SETD7: variants seen among roughly 807,000 people sequenced by gnomAD.
SETD7 encodes the protein SET domain containing 7, histone lysine methyltransferase.
In SETD7, 16 loss-of-function variants were observed where a neutral mutation model predicts 41.8. That is an observed-to-expected ratio of 0.38 (90% CI 0.26 to 0.58). SETD7 has a LOEUF of 0.58. SETD7 is among the 20% of genes least tolerant of loss of function. SETD7 has a pLI of 0.64. For synonymous variants in SETD7, 163 were observed against 169.7 expected (o/e 0.96, Z 0.31); for missense variants, 346 against 459.7 (o/e 0.75, Z 2.26).
chr4:139,508,966 ATG>A lies in SETD7; in HGVS notation c.*2695_*2696del, dbSNP rs146435689. 8 of 151,884 alleles carry A rather than the reference ATG, an allele frequency of 5.3e-5. No homozygotes were observed. Among genetic ancestry groups the A allele is most frequent in the Non-Finnish European group, 1.2e-4 (8 of 68,098 alleles). The allele number at this position is 151,884 out of a possible 1,614,324, so 9.4% of individuals were successfully genotyped here. On this transcript the variant is annotated 3_prime_UTR_variant, in exon 8 of 8. Transcript: ENST00000274031. ...GCCACAGAGCCTTACATTTGGGAGT[ATG>A]TGTGTGTGTGAGGGGAGGGGTGGGG...
At chr4:139,522,252 T>C (rs1458728151) in intron 5 of SETD7, among the ~76,000 whole-genome samples, 2 of 152,128 alleles carry the variant, frequency 1.3e-5, no homozygotes, top group African/African-American at 4.8e-5. Context: ...AGAAACTGAA[T>C]GGGAGGTAAG....
chr4:139,512,354 C>T (rs2111122506), intron 7 of SETD7, among the ~76,000 whole-genome samples: 1 of 152,286 alleles, frequency 6.6e-6, no homozygotes, highest in Middle Eastern at 3.4e-3. Flanking sequence ...CTGTATTCCA[C>T]CCTATACATA....
rs1401432602 is a variant in SETD7 at position 139,509,644 on chromosome 4, C to T, written c.*2019G>A. On this transcript the variant is annotated 3_prime_UTR_variant, in exon 8 of 8. Coordinates refer to ENST00000274031, the MANE Select transcript of SETD7 (RefSeq NM_030648.4). Reference sequence around the variant, plus strand: ...CTTGATCGAGGTTAATGCAAGCCATCTTTCTCCTGAAGACAGTCACTCCCT... The same window carrying T: ...CTTGATCGAGGTTAATGCAAGCCATTTTTCTCCTGAAGACAGTCACTCCCT... 1 of 962,152 alleles carries T rather than the reference C, an allele frequency of 1.0e-6. No individual in the cohort carries two copies. The highest frequency in any genetic ancestry group is 1.2e-6 in the Non-Finnish European group (1 of 808,850). The allele number at this position is 962,152 out of a possible 1,614,324, so 59.6% of individuals were successfully genotyped here.
At chr4:139,535,468 T>C (rs1278151125) in intron 2 of SETD7, among the ~76,000 whole-genome samples, 1 of 152,202 alleles carries the variant, frequency 6.6e-6, no homozygotes, top group Non-Finnish European at 1.5e-5. Context: ...TGAGTTTGGG[T>C]AGAATATTAC....
In SETD7 at chr4:139,506,163, T is replaced by C. The variant is rs556033559; in HGVS notation, c.*5500A>G. ...GAAACATTTTTCCTACTCTCTTGCATCATGCACCCAGACACACTACAAAAA... is the reference window on the plus strand; with the variant it reads ...GAAACATTTTTCCTACTCTCTTGCACCATGCACCCAGACACACTACAAAAA... On this transcript the variant is annotated 3_prime_UTR_variant, in exon 8 of 8. Transcript: ENST00000274031. 3.0e-4 allele frequency: 46 copies of C among 152,668 alleles called. No homozygotes were observed. Among genetic ancestry groups the C allele is most frequent in the Non-Finnish European group, 6.0e-4 (41 of 68,038 alleles). The allele number at this position is 152,668 out of a possible 1,614,324, so 9.5% of individuals were successfully genotyped here.
chr4:139,497,403 C>T (rs1726476495), intron 7 of SETD7, among the ~76,000 whole-genome samples: 1 of 150,806 alleles, frequency 6.6e-6, no homozygotes, highest in South Asian at 2.1e-4. Flanking sequence ...TGCAGTGAGC[C>T]GAGATTGCGC....
chr4:139,498,885 C>T (rs34294687), intron 7 of SETD7, among the ~76,000 whole-genome samples: 19,698 of 152,176 alleles, frequency 0.13, 1,536 homozygotes, highest in Non-Finnish European at 0.17. Context: ...CCAAGGTGGG[C>T]GGATCTCTTG....
At chr4:139,550,373 T>C (rs1728076399) in intron 1 of SETD7, among the ~76,000 whole-genome samples, 1 of 152,196 alleles carries the variant, frequency 6.6e-6, no homozygotes, top group Non-Finnish European at 1.5e-5. Flanking sequence ...AATTCTGAAA[T>C]CTATTCGACG....
At chr4:139,530,054 G>A (rs1727439176) in intron 3 of SETD7, among the ~76,000 whole-genome samples, 1 of 152,184 alleles carries the variant, frequency 6.6e-6, no homozygotes, top group Non-Finnish European at 1.5e-5. Context: ...TTGATAAGTG[G>A]TAGGGACACA....
At chr4:139,552,772 G>A (rs1728146224) in intron 1 of SETD7, among the ~76,000 whole-genome samples, 1 of 152,046 alleles carries the variant, frequency 6.6e-6, no homozygotes, top group Admixed American at 6.6e-5. Context: ...CACCTCTTCT[G>A]GAAAATCTTT....
chr4:139,502,620 C>A (rs1163755313), downstream of SETD7, among the ~76,000 whole-genome samples: 1 of 152,182 alleles, frequency 6.6e-6, no homozygotes, highest in African/African-American at 2.4e-5. Context: ...GAAAGCCCAG[C>A]GTCACACAGA....
At chr4:139,502,048 T>C (rs1466815460), downstream of SETD7, among the ~76,000 whole-genome samples, 1 of 152,206 alleles carries the variant, frequency 6.6e-6, no homozygotes, top group Non-Finnish European at 1.5e-5. Context: ...TAGAAAAAAC[T>C]GAGGCACAAA....
intron 5 of SETD7, among the ~76,000 whole-genome samples, chr4:139,521,653 C>A (rs1328949715): frequency 6.6e-6 from 1 of 152,168 alleles, no homozygotes; most frequent in Non-Finnish European, 1.5e-5. Context: ...GTGCCTCCCT[C>A]AGGGTGGGTG....
At chr4:139,505,173 A>C (rs1034106780), downstream of SETD7, among the ~76,000 whole-genome samples, 1 of 152,162 alleles carries the variant, frequency 6.6e-6, no homozygotes, top group Non-Finnish European at 1.5e-5. Context: ...TTGAGGCCTA[A>C]CTGTGCCTCG....
chr4:139,551,010 G>A (rs1378268060), intron 1 of SETD7, among the ~76,000 whole-genome samples: 2 of 152,184 alleles, frequency 1.3e-5, no homozygotes, highest in Non-Finnish European at 2.9e-5. Flanking sequence ...CTCTTCCTTG[G>A]TGATGGTAAG....
intron 7 of SETD7, among the ~76,000 whole-genome samples, chr4:139,497,589 GT>G (rs558746212): frequency 6.7e-6 from 1 of 149,764 alleles, no homozygotes; most frequent in African/African-American, 2.5e-5. Context: ...TTGTTTTTTT[GT>G]TTTTTTGTTT....
Position 139,555,678 on chromosome 4 carries a change from G to A in SETD7, c.40+420C>T, listed in dbSNP as rs1431951135. On this transcript the variant is annotated intron_variant, in intron 1 of 7. Transcript: ENST00000274031. The surrounding 1 kb of genome is among the most constrained non-coding windows in gnomAD (Gnocchi z 4.0). ...AGGGAAGGGCTGGCGGCCGGGAGGG[G>A]ATCGGGGTGGCCAAAACTGGGCTAG... 6.6e-6 allele frequency among the ~76,000 whole-genome samples: 1 copy of A among 152,110 alleles called. No individual in the cohort carries two copies. Among genetic ancestry groups the A allele is most frequent in the East Asian group, 1.9e-4 (1 of 5,166 alleles).
Position 139,533,152 on chromosome 4 carries a change from T to A in SETD7, c.372+13A>T. ...TGTTACTTTCCAGCAGAGTGAACAGTCACACGGCTTACTGGGTAATATATC... is the reference window on the plus strand; with the variant it reads ...TGTTACTTTCCAGCAGAGTGAACAGACACACGGCTTACTGGGTAATATATC... On this transcript the variant is annotated intron_variant, in intron 3 of 7. Coordinates refer to ENST00000274031, the MANE Select transcript of SETD7 (RefSeq NM_030648.4). 1.2e-6 allele frequency: 2 copies of A among 1,607,680 alleles called. No individual in the cohort carries two copies. Among genetic ancestry groups the A allele is most frequent in the Non-Finnish European group, 1.7e-6 (2 of 1,174,126 alleles).
At position 139,520,523 on chromosome 4, in the gene SETD7, G is replaced by C. The variant is rs185256414; in HGVS notation, c.645-129C>G. On this transcript the variant is annotated intron_variant, in intron 5 of 7. Coordinates refer to ENST00000274031, the MANE Select transcript of SETD7 (RefSeq NM_030648.4). Reference sequence around the variant, plus strand: ...TTCATAACCCAACTAAGAAGGGAGGGAGGAAGAAAAAGTTAAACCACAATA... The same window carrying C: ...TTCATAACCCAACTAAGAAGGGAGGCAGGAAGAAAAAGTTAAACCACAATA... 7.6e-6 allele frequency: 4 copies of C among 522,916 alleles called. No homozygotes were observed. The African/African-American group carries it at 7.8e-5, about 10-fold the overall frequency. The allele number at this position is 522,916 out of a possible 1,614,324, so 32.4% of individuals were successfully genotyped here. A position where few individuals can be genotyped will look rare whatever the true frequency, so the allele number is the denominator to read the frequency against.
Sources: gnomAD v4.1 joint callset for allele counts (sites outside exome capture counted in the v4.1 genomes callset) on GRCh38, gnomAD v4.1.1 for gene constraint, Gnocchi (gnomAD v3.1) non-coding constraint, MANE v1.5 for transcripts, NCBI Gene and HGNC (gene_info 2026-07-23, HGNC 2026-07-21) for gene names.